Variants in FAR2 observed in about 807,000 individuals in gnomAD.
FAR2 encodes the protein epididymis secretory protein Li 81.
A neutral mutation model predicts 56.0 loss-of-function variants in FAR2; 19 were observed. The ratio of observed to expected loss-of-function variants is 0.34; its 90% CI spans 0.24 to 0.50. FAR2 has a LOEUF of 0.50. Ranked by LOEUF, FAR2 falls within the 20% of genes least tolerant of loss-of-function variation. The pLI is 0.98. For synonymous variants in FAR2, 219 were observed against 218.8 expected, an observed-to-expected ratio of 1.00 and a Z score of -0.01; for missense variants, 508 against 642.2, an observed-to-expected ratio of 0.79 and a Z score of 2.26.
intron 8 of FAR2, among the ~76,000 whole-genome samples, chr12:29,314,105 G>A (rs1167028418): frequency 6.6e-6 from 1 of 152,126 alleles, no homozygotes; most frequent in Non-Finnish European, 1.5e-5. Flanking sequence ...TGACCTATGA[G>A]GATGTAGAAG....
rs186776725 is a variant in FAR2 at position 29,304,559 on chromosome 12, T to C, written c.546-3099T>C. 2.0e-4 allele frequency among the ~76,000 whole-genome samples: 31 copies of C among 152,348 alleles called. No homozygotes were observed. In the East Asian group the frequency reaches 4.2e-3, roughly 21 times the overall value. On this transcript the variant is annotated intron_variant, in intron 4 of 11. Coordinates refer to ENST00000536681, the MANE Select transcript of FAR2 (RefSeq NM_001271783.2). ...CTGATAAACTACTAGGCTTGCCCAC[T>C]TGTTGCATAAGAAAATTGAGGGTAT...
At chr12:29,285,867 C>T (rs1169571444) in intron 2 of FAR2, among the ~76,000 whole-genome samples, 1 of 151,286 alleles carries the variant, frequency 6.6e-6, no homozygotes, top group Non-Finnish European at 1.5e-5. Flanking sequence ...TGGAGTGAGC[C>T]GAGATCACAC....
intron 1 of FAR2, among the ~76,000 whole-genome samples, chr12:29,244,710 A>G (rs924442254): frequency 1.3e-5 from 2 of 152,234 alleles, no homozygotes; most frequent in African/African-American, 4.8e-5. Flanking sequence ...ACCCAAGCAT[A>G]TGATATGAAA....
chr12:29,191,165 G>A (rs745978550), intron 1 of FAR2, among the ~76,000 whole-genome samples: 10 of 152,196 alleles, frequency 6.6e-5, no homozygotes, highest in Non-Finnish European at 1.5e-4. Context: ...ACACATTTAT[G>A]ATCAGGGACT....
At chr12:29,164,832 A>G (rs1949811579) in intron 1 of FAR2, among the ~76,000 whole-genome samples, 1 of 152,180 alleles carries the variant, frequency 6.6e-6, no homozygotes, top group African/African-American at 2.4e-5. Context: ...AAACTAAACT[A>G]AAGATGTATC....
At chr12:29,266,120 AC>A (rs1591909299) in intron 1 of FAR2, among the ~76,000 whole-genome samples, 1 of 152,132 alleles carries the variant, frequency 6.6e-6, no homozygotes, top group Non-Finnish European at 1.5e-5. Context: ...TCCTCAAAAA[AC>A]AAAAAATGTA....
At position 29,309,206 on chromosome 12, in the gene FAR2, T is replaced by C. The variant is rs753661266; in HGVS notation, c.744T>C (p.Asn248=). 4 of 1,600,892 alleles carry C rather than the reference T, an allele frequency of 2.5e-6. No individual in the cohort carries two copies. The East Asian group carries it at 6.7e-5, about 27-fold the overall frequency. Residue 248 remains asparagine (N), a synonymous_variant, in exon 6 of 12, where the codon AAT becomes AAC. Transcript: ENST00000536681. ...TTTAGGGTTGGGTTGATAATATAAA[T>C]GGACCTAATGGAATCATTATTGCGG... ...EPFPGWVDNI[N]GPNGIIIATG...
chr12:29,326,681 G>A (rs1949653873), intron 10 of FAR2, among the ~76,000 whole-genome samples: 2 of 152,152 alleles, frequency 1.3e-5, no homozygotes, highest in Admixed American at 1.3e-4. Context: ...ACGGAGAAAA[G>A]GCCTTTGACA....
intron 1 of FAR2, among the ~76,000 whole-genome samples, chr12:29,231,990 A>C (rs1947867104): frequency 6.6e-6 from 1 of 152,222 alleles, no homozygotes; most frequent in Non-Finnish European, 1.5e-5. Flanking sequence ...GAGAATAGAT[A>C]AGCATGATAT....
rs57701261 is a variant in FAR2 at position 29,170,749 on chromosome 12, CCTCTCT to C, written c.-39+21359_-39+21364del. On this transcript the variant is annotated intron_variant, in intron 1 of 11. Transcript: ENST00000536681. ...TGACTCCTCTTTGTCTCTGTCTCTT[CCTCTCT>C]CTCTCTCTCTCTCTCTGACTTTCTC... is the stretch of plus-strand genomic sequence containing the variant. Among the ~76,000 whole-genome samples, 233 of 150,398 alleles carry C rather than the reference CCTCTCT, an allele frequency of 1.5e-3. 1 individual carries two copies. In the South Asian group the frequency reaches 0.02, roughly 13 times the overall value.
chr12:29,194,594 T>C (rs530258158), intron 1 of FAR2, among the ~76,000 whole-genome samples: 1 of 149,634 alleles, frequency 6.7e-6, no homozygotes, highest in Non-Finnish European at 1.5e-5. Flanking sequence ...ATTACTCCCA[T>C]AATGATGCTT....
At chr12:29,200,046 A>G (rs1287488460) in intron 1 of FAR2, among the ~76,000 whole-genome samples, 1 of 152,214 alleles carries the variant, frequency 6.6e-6, no homozygotes, top group Non-Finnish European at 1.5e-5. Context: ...TTGAAGCTCT[A>G]TGAGTGACAT....
rs758725922 is a variant in FAR2 at position 29,293,341 on chromosome 12, G to A, written c.231G>A (p.Glu77=). Residue 77 remains glutamate, a synonymous_variant, in exon 3 of 12, where the codon GAG becomes GAA. Transcript: ENST00000536681. ...KVKEVCPNVH[E]KIRAIYADLN... ...AAGAAGTTTGTCCAAATGTGCATGAGAAGATCAGAGCTATTTATGCAGATC... is the reference window on the plus strand; with the variant it reads ...AAGAAGTTTGTCCAAATGTGCATGAAAAGATCAGAGCTATTTATGCAGATC... 2 of 1,602,514 alleles carry A rather than the reference G, an allele frequency of 1.2e-6. No homozygotes were observed. Among genetic ancestry groups the A allele is most frequent in the South Asian group, 2.3e-5 (2 of 88,608 alleles).
At chr12:29,294,615 G>A (rs1362025501) in intron 3 of FAR2, among the ~76,000 whole-genome samples, 1 of 152,180 alleles carries the variant, frequency 6.6e-6, no homozygotes, top group Non-Finnish European at 1.5e-5. Flanking sequence ...CTCCCAAAGT[G>A]CTGGGATTAC....
At chr12:29,211,223 G>A (rs1170398564) in intron 1 of FAR2, among the ~76,000 whole-genome samples, 2 of 152,026 alleles carry the variant, frequency 1.3e-5, no homozygotes, top group East Asian at 1.9e-4. Context: ...CCTGGGAAGC[G>A]GAGGTTGTAG....
chr12:29,276,238 A>G (rs1358066137), intron 2 of FAR2, among the ~76,000 whole-genome samples: 1 of 152,112 alleles, frequency 6.6e-6, no homozygotes, highest in African/African-American at 2.4e-5. Context: ...TTTTACCACT[A>G]TTTCCTAGGG....
At chr12:29,192,597 C>A (rs936816876) in intron 1 of FAR2, among the ~76,000 whole-genome samples, 2 of 152,140 alleles carry the variant, frequency 1.3e-5, no homozygotes, top group African/African-American at 2.4e-5. Context: ...CCCCTGAGTT[C>A]TTTAAACAGT....
At chr12:29,185,896 C>T (rs1385053287) in intron 1 of FAR2, among the ~76,000 whole-genome samples, 2 of 152,116 alleles carry the variant, frequency 1.3e-5, no homozygotes, top group East Asian at 1.9e-4. Context: ...CTCCCCCTGC[C>T]CCATAGACAG....
At chr12:29,327,930 T>G (rs1949674116) in intron 10 of FAR2, among the ~76,000 whole-genome samples, 1 of 152,132 alleles carries the variant, frequency 6.6e-6, no homozygotes, top group African/African-American at 2.4e-5. Flanking sequence ...AAAGAGCTTC[T>G]GCACAGCAAA....
Sources: allele counts gnomAD v4.1 joint callset (sites outside exome capture counted in the v4.1 genomes callset), GRCh38; gene constraint gnomAD v4.1.1; transcripts MANE v1.5; gene names NCBI Gene and HGNC (gene_info 2026-07-23, HGNC 2026-07-21).